The following SASS6 variants were observed in gnomAD, a reference collection of about 807,000 sequenced individuals.
SASS6 encodes the protein spindle assembly abnormal protein 6 homolog.
A neutral mutation model predicts 94.9 loss-of-function variants in SASS6; 59 were observed. The observed-to-expected ratio is 0.62, with a 90% confidence interval of 0.50 to 0.77. The LOEUF is 0.77. SASS6 is among the 30% of genes least tolerant of loss of function. The pLI is 0.00. For synonymous variants in SASS6, 264 were observed against 270.0 expected (o/e 0.98, Z 0.22); for missense variants, 698 against 734.1 (o/e 0.95, Z 0.57).
At chr1:100,105,183 ATTACT>A (rs1557885219) in intron 13 of SASS6, among the ~76,000 whole-genome samples, 1 of 152,084 alleles carries the variant, frequency 6.6e-6, no homozygotes, top group Non-Finnish European at 1.5e-5. Flanking sequence ...TATATTTGGT[ATTACT>A]TTAGTTAGCA....
chr1:100,125,400 G>C (rs1177964473), intron 2 of SASS6, among the ~76,000 whole-genome samples: 1 of 151,514 alleles, frequency 6.6e-6, no homozygotes, highest in African/African-American at 2.4e-5. Flanking sequence ...TATGGTATAG[G>C]CCGGGCACAG....
At chr1:100,123,861 G>A (rs998489051) in intron 2 of SASS6, among the ~76,000 whole-genome samples, 3 of 152,200 alleles carry the variant, frequency 2.0e-5, no homozygotes, top group African/African-American at 7.2e-5. Flanking sequence ...AGTCTCAAAT[G>A]AAGTAAGTAC....
intron 14 of SASS6, among the ~76,000 whole-genome samples, chr1:100,098,100 T>C (rs1652228907): frequency 6.6e-6 from 1 of 152,178 alleles, no homozygotes; most frequent in East Asian, 1.9e-4. Context: ...GTATGTAAAT[T>C]CTACCTTAAT....
intron 6 of SASS6, 40 bp downstream of exon 6, chr1:100,120,354 G>A: frequency 1.0e-6 from 1 of 995,676 alleles, no homozygotes; most frequent in Non-Finnish European, 1.6e-6. Context: ...CAGTGCCAAT[G>A]TCTGGATGAC....
chr1:100,103,566 G>GA (rs1168027967), intron 13 of SASS6, among the ~76,000 whole-genome samples: 3 of 152,162 alleles, frequency 2.0e-5, no homozygotes, highest in Non-Finnish European at 4.4e-5. Context: ...CCAACGTTAT[G>GA]AAAAAGTTTA....
intron 5 of SASS6, among the ~76,000 whole-genome samples, chr1:100,121,036 C>G (rs944801524): frequency 7.7e-6 from 1 of 130,172 alleles, no homozygotes; most frequent in African/African-American, 3.0e-5. Flanking sequence ...GGCGACAGAG[C>G]GAGACTCCGT....
chr1:100,130,703 A>AAAG (rs1553218336), intron 1 of SASS6, among the ~76,000 whole-genome samples: 3 of 150,762 alleles, frequency 2.0e-5, no homozygotes, highest in Non-Finnish European at 3.0e-5. Context: ...AAAAAAAAAA[A>AAAG]AGAGAGAGAG....
intron 7 of SASS6, among the ~76,000 whole-genome samples, chr1:100,117,542 A>C (rs1243505447): frequency 1.3e-5 from 2 of 152,038 alleles, no homozygotes; most frequent in East Asian, 1.9e-4. Context: ...AATCCCAATT[A>C]CTTAGGAGGC....
intron 4 of SASS6, 84 bp downstream of exon 4, chr1:100,122,295 GA>G: frequency 1.6e-6 from 1 of 622,772 alleles, no homozygotes; most frequent in Non-Finnish European, 2.8e-6. Context: ...ATAATAAACG[GA>G]AAAGATTTTG....
chr1:100,104,353 G>T (rs1467843760), intron 13 of SASS6, among the ~76,000 whole-genome samples: 1 of 152,146 alleles, frequency 6.6e-6, no homozygotes, highest in Non-Finnish European at 1.5e-5. Context: ...TTCAACAGGA[G>T]AGCCCCAGGC....
intron 1 of SASS6, among the ~76,000 whole-genome samples, chr1:100,130,671 A>T (rs1351953885): frequency 7.0e-6 from 1 of 142,384 alleles, no homozygotes; most frequent in Non-Finnish European, 1.5e-5. Context: ...TCTGGGCAAC[A>T]GAGCGAGACT....
intron 5 of SASS6, among the ~76,000 whole-genome samples, chr1:100,121,104 G>C (rs1204630947): frequency 6.7e-6 from 1 of 149,786 alleles, no homozygotes; most frequent in Non-Finnish European, 1.5e-5. Flanking sequence ...TTCCATACAT[G>C]TCTACCAGTT....
rs1202819758 is a variant in SASS6, at chr1:100,110,450, G to A, written c.703C>T (p.Gln235Ter). The A allele has an allele frequency of 1.2e-6, 2 of 1,608,936 alleles. No individual in the cohort carries two copies. Among genetic ancestry groups the A allele is most frequent in the African/African-American group, 1.3e-5 (1 of 74,698 alleles). ...QVQYQQQHEQ[Q>*]KKDLEILHQQ... ...TGGAGGATTTCTAAATCTTTTTTCT[G>A]TTGTTCATGCTGCTGTTGATATTGA... The change falls in exon 8 of 17, where the codon CAG (glutamine) becomes TAG (stop). Residue 235 changes from glutamine (Q) to a stop codon, truncating the protein, a stop_gained. Coordinates refer to ENST00000287482, the MANE Select transcript of SASS6 (RefSeq NM_194292.3). LOFTEE classifies it high-confidence loss of function.
intron 1 of SASS6, among the ~76,000 whole-genome samples, chr1:100,126,711 G>A (rs978902133): frequency 6.6e-6 from 1 of 152,132 alleles, no homozygotes; most frequent in South Asian, 2.1e-4. Context: ...GGTAGGCAGA[G>A]GCTGCAGTGA....
chr1:100,107,949 A>G lies in SASS6; in HGVS notation c.917T>C (p.Leu306Pro). 1 of 1,612,096 alleles carries G rather than the reference A, an allele frequency of 6.2e-7. No individual in the cohort carries two copies. Among genetic ancestry groups the G allele is most frequent in the Non-Finnish European group, 8.5e-7 (1 of 1,178,524 alleles). Residue 306 changes from leucine to proline, a missense_variant, in exon 9 of 17, where the codon CTA (leucine) becomes CCA (proline). By Grantham distance (98) the Leu-to-Pro change is moderately conservative (BLOSUM62 -3). Coordinates refer to ENST00000287482, the MANE Select transcript of SASS6 (RefSeq NM_194292.3). ...VLSLRRENST[L>P]DVECHEKEKH... ...TTCTTTCTCGTGGCATTCAACATCT[A>G]GTGTAGAATTCTCTCTTCGCAAAGA...
At chr1:100,129,926 T>C (rs1027146666) in intron 1 of SASS6, among the ~76,000 whole-genome samples, 2 of 152,248 alleles carry the variant, frequency 1.3e-5, no homozygotes, top group African/African-American at 4.8e-5. Flanking sequence ...TGTACTTATA[T>C]TACTTTATGC....
At chr1:100,110,178 C>T (rs1462737971) in intron 8 of SASS6, 114 bp downstream of exon 8, 6 of 521,020 alleles carry the variant, frequency 1.2e-5, no homozygotes, top group Middle Eastern at 5.0e-4. Flanking sequence ...GAATGGATAC[C>T]CTAACACCAC....
rs1274012270 is a variant in SASS6 at position 100,083,843 on chromosome 1, T to G, written c.*1485A>C. On this transcript the variant is annotated 3_prime_UTR_variant, in exon 17 of 17. Coordinates refer to ENST00000287482, the MANE Select transcript of SASS6 (RefSeq NM_194292.3). ...ATTTTAAAAAAGAGAGCTACCTGTA[T>G]GTCATGCATCCCATCCAAAACATGT... 6.6e-6 allele frequency: 1 copy of G among 152,072 alleles called. No individual in the cohort carries two copies. Among genetic ancestry groups the G allele is most frequent in the Non-Finnish European group, 1.5e-5 (1 of 67,932 alleles). 9.4% of individuals were successfully genotyped at this position (152,072 alleles called of 1,614,324 possible). A position where few individuals can be genotyped will look rare whatever the true frequency, so the allele number is the denominator to read the frequency against.
intron 6 of SASS6, 140 bp from the exon 7 acceptor site, chr1:100,119,277 C>A (rs1243879159): frequency 2.3e-6 from 1 of 438,598 alleles, no homozygotes; most frequent in African/African-American, 2.0e-5. Context: ...CCTTTTCCTA[C>A]ACAAAATTTT....
Sources: gnomAD v4.1 joint callset for allele counts (sites outside exome capture counted in the v4.1 genomes callset) on GRCh38, gnomAD v4.1.1 for gene constraint, MANE v1.5 for transcripts, NCBI Gene and HGNC (gene_info 2026-07-23, HGNC 2026-07-21) for gene names.